TMPO: variants seen among roughly 807,000 people sequenced by gnomAD.
The protein encoded by TMPO is thymopoietin.
A neutral mutation model predicts 45.4 loss-of-function variants in TMPO; 22 were observed. The observed-to-expected ratio is 0.48, with a 90% CI of 0.35 to 0.69. The LOEUF (loss-of-function observed/expected upper bound fraction) is 0.69, where lower values mean the gene tolerates loss of function less well. Among genes scored for constraint, TMPO ranks in the 30% least tolerant of loss-of-function variants. The pLI, the probability that TMPO is intolerant of heterozygous loss-of-function variation, is 0.01. For missense variants in TMPO, 512 were observed against 548.8 expected, an observed-to-expected ratio of 0.93 and a Z score of 0.67; for synonymous variants, 241 against 204.1, an observed-to-expected ratio of 1.18 and a Z score of -1.54.
intron 1 of TMPO, among the ~76,000 whole-genome samples, chr12:98,516,787 C>A (rs544049406): frequency 3.2e-4 from 49 of 152,202 alleles, no homozygotes; most frequent in Non-Finnish European, 6.0e-4. Context: ...TATTTTTAGG[C>A]GCCTATTATA....
chr12:98,537,749 G>C (rs1458426113), intron 4 of TMPO, 177 bp downstream of exon 4: 3 of 680,176 alleles, frequency 4.4e-6, no homozygotes, highest in African/African-American at 3.6e-5. Context: ...AGTGTAGCCT[G>C]TGATTACAGC....
intron 8 of TMPO, 117 bp from the exon 9 acceptor site, chr12:98,547,456 A>T: frequency 8.2e-7 from 1 of 1,220,964 alleles, no homozygotes; most frequent in Non-Finnish European, 1.2e-6. Flanking sequence ...TCAATTTTCT[A>T]CTGTTACCTC....
chr12:98,515,873 G>A lies in TMPO; in HGVS notation c.6G>A (p.Pro2=). Reference sequence around the variant, plus strand: ...GGGCTTCGCAGATCCCCGAGATGCCGGAGTTCCTGGAAGACCCCTCGGTCC... The same window carrying A: ...GGGCTTCGCAGATCCCCGAGATGCCAGAGTTCCTGGAAGACCCCTCGGTCC... The part of the protein sequence containing the change: M[P]EFLEDPSVLT... The change falls in exon 1 of 9, where the codon CCG becomes CCA. Residue 2 remains proline, a synonymous_variant. Transcript: ENST00000556029. 2 of 1,613,136 alleles carry A rather than the reference G, an allele frequency of 1.2e-6. No homozygotes were observed. Among genetic ancestry groups the A allele is most frequent in the Non-Finnish European group, 8.5e-7 (1 of 1,179,546 alleles).
At chr12:98,540,870 G>A (rs1877876862) in intron 4 of TMPO, among the ~76,000 whole-genome samples, 1 of 152,152 alleles carries the variant, frequency 6.6e-6, no homozygotes, top group East Asian at 1.9e-4. Context: ...TTCTGGCGAT[G>A]CTAAAATTAG....
At chr12:98,545,457 G>A (rs1449740298) in intron 7 of TMPO, among the ~76,000 whole-genome samples, 1 of 152,116 alleles carries the variant, frequency 6.6e-6, no homozygotes, top group South Asian at 2.1e-4. Context: ...TGTGGTGCTG[G>A]AATGGGTTAA....
At position 98,521,099 on chromosome 12, in the gene TMPO, A is replaced by ATTTTTTTTTTT. The variant is rs1565804759; in HGVS notation, c.279+4953_279+4954insTTTTTTTTTTT. The stretch of plus-strand genomic sequence containing the variant: ...TCTATTTAATCATGGGTTTATGAGG[A>ATTTTTTTTTTT]ATTTTTTTTTTTTTTTTTTTTTTTT... On this transcript the variant is annotated intron_variant, in intron 1 of 8. Coordinates refer to ENST00000556029, the MANE Select transcript of TMPO (RefSeq NM_001032283.3). 2.3e-3 allele frequency among the ~76,000 whole-genome samples: 213 copies of ATTTTTTTTTTT among 92,990 alleles called. 11 individuals carry two copies. The highest frequency in any genetic ancestry group is 7.6e-3 in the African/African-American group (188 of 24,760). 61.0% of individuals were successfully genotyped at this position (92,990 alleles called of 152,430 possible).
rs201034441 is a variant in TMPO, at chr12:98,534,225, G to A, written c.565+2387G>A. 27 of 1,613,858 alleles carry A rather than the reference G, an allele frequency of 1.7e-5. 1 individual carries two copies. The African/African-American group carries it at 2.9e-4, about 18-fold the overall frequency. ...TAGGTCGTCGATACCTCTGGCTGAA[G>A]GATTGCAAAATTAATTTAGCTTCTA... On this transcript the variant is annotated intron_variant, in intron 3 of 8. Coordinates refer to ENST00000556029, the MANE Select transcript of TMPO (RefSeq NM_001032283.3).
intron 1 of TMPO, among the ~76,000 whole-genome samples, chr12:98,521,288 A>G (rs1034936624): frequency 2.7e-5 from 4 of 149,086 alleles, no homozygotes; most frequent in Admixed American, 6.7e-5. Flanking sequence ...ATTTTTTTGT[A>G]TTTTTAGTAG....
At chr12:98,533,611 C>G (rs772730218) in intron 3 of TMPO, 1 of 1,614,194 alleles carries the variant, frequency 6.2e-7, no homozygotes, top group Non-Finnish European at 8.5e-7. Flanking sequence ...TCAGAACATA[C>G]CTGGATCCGA....
In TMPO at chr12:98,545,046, A is replaced by G. The variant is rs1425955641; in HGVS notation, c.975A>G (p.Pro325=). Residue 325 remains proline, a synonymous_variant, in exon 7 of 9, where the codon CCA becomes CCG. Transcript: ENST00000556029. ...TACCCAGAAGAGCACCAAAGAAACC[A>G]TTGACAAGAGCTGAAGTAAATGAAT... ...SDIPRRAPKK[P]LTRAEVGEKT... is the part of the protein sequence containing the mutation. The G allele has an allele frequency of 1.9e-6, 3 of 1,611,326 alleles. No individual in the cohort carries two copies. The highest frequency in any genetic ancestry group is 2.5e-6 in the Non-Finnish European group (3 of 1,177,972).
At chr12:98,528,158 G>C in intron 2 of TMPO, 146 bp downstream of exon 2, 1 of 819,314 alleles carries the variant, frequency 1.2e-6, no homozygotes, top group Non-Finnish European at 1.9e-6. Flanking sequence ...TTCTTTGACT[G>C]TAAATGAGTG....
chr12:98,534,404 T>C (rs560922098), intron 3 of TMPO: 1 of 1,601,468 alleles, frequency 6.2e-7, no homozygotes, highest in African/African-American at 1.3e-5. Context: ...AACATTTTCT[T>C]TTCTGTTAAG....
Position 98,521,099 on chromosome 12 carries a change from A to ATTTTTTTTTTTT in TMPO, c.279+4953_279+4954insTTTTTTTTTTTT, listed in dbSNP as rs1565804759. The stretch of plus-strand genomic sequence containing the variant: ...TCTATTTAATCATGGGTTTATGAGG[A>ATTTTTTTTTTTT]ATTTTTTTTTTTTTTTTTTTTTTTT... On this transcript the variant is annotated intron_variant, in intron 1 of 8. Coordinates refer to ENST00000556029, the MANE Select transcript of TMPO (RefSeq NM_001032283.3). Among the ~76,000 whole-genome samples the ATTTTTTTTTTTT allele has an allele frequency of 9.1e-4, 85 of 93,012 alleles. 4 individuals are homozygous for ATTTTTTTTTTTT. The highest frequency in any genetic ancestry group is 5.6e-3 in the Middle Eastern group (1 of 180). 61.0% of individuals were successfully genotyped at this position (93,012 alleles called of 152,430 possible).
intron 3 of TMPO, chr12:98,533,427 A>T (rs747378555): frequency 3.1e-6 from 5 of 1,614,188 alleles, no homozygotes; most frequent in Non-Finnish European, 4.2e-6. Flanking sequence ...AGGGTGGGGT[A>T]GGTAGTTTGC....
intron 7 of TMPO, among the ~76,000 whole-genome samples, chr12:98,546,029 G>A (rs1397981760): frequency 6.6e-6 from 1 of 152,118 alleles, no homozygotes; most frequent in Non-Finnish European, 1.5e-5. Context: ...CACCGTACCC[G>A]GCCCAACAAT....
At chr12:98,541,552 G>A (rs1877916674) in intron 4 of TMPO, among the ~76,000 whole-genome samples, 1 of 152,016 alleles carries the variant, frequency 6.6e-6, no homozygotes, top group African/African-American at 2.4e-5. Flanking sequence ...TGTTTTCCTT[G>A]TCTTTAGGAC....
At chr12:98,541,245 A>C (rs534832286) in intron 4 of TMPO, among the ~76,000 whole-genome samples, 1 of 152,292 alleles carries the variant, frequency 6.6e-6, no homozygotes, top group African/African-American at 2.4e-5. Flanking sequence ...TTAATAGATA[A>C]TACTATTTGG....
chr12:98,545,203 A>G (rs1565817088), intron 7 of TMPO, 142 bp downstream of exon 7: 2 of 652,760 alleles, frequency 3.1e-6, no homozygotes, highest in Non-Finnish European at 2.6e-6. Context: ...ATATGCATAA[A>G]TTATTTTAAG....
In TMPO at chr12:98,515,908, A is replaced by G. The variant is rs1464346909; in HGVS notation, c.41A>G (p.Asp14Gly). 2 of 1,613,698 alleles carry G rather than the reference A, an allele frequency of 1.2e-6. No individual in the cohort carries two copies. The highest frequency in any genetic ancestry group is 1.7e-6 in the Non-Finnish European group (2 of 1,179,814). Residue 14 changes from aspartate to glycine, a missense_variant, in exon 1 of 9, where the codon GAC becomes GGC. By Grantham distance (94) the Asp-to-Gly change is moderately conservative (BLOSUM62 -1). Around this residue, in one of 3 missense-constraint regions of TMPO, gnomAD observed 299 missense variants for 296.7 expected, o/e 1.01. Transcript: ENST00000556029. ...GAAGACCCCTCGGTCCTGACAAAAG[A>G]CAAGTTGAAGAGTGAGTTGGTCGCC... ...FLEDPSVLTK[D>G]KLKSELVANN...
Sources: gnomAD v4.1 joint callset for allele counts (sites outside exome capture counted in the v4.1 genomes callset) on GRCh38, gnomAD v4.1.1 for gene constraint, gnomAD v4.1.1 regional missense constraint, MANE v1.5 for transcripts, NCBI Gene and HGNC (gene_info 2026-07-23, HGNC 2026-07-21) for gene names.